The following TMEM74 variants were observed in gnomAD, a reference collection of about 807,000 sequenced individuals.
TMEM74 encodes transmembrane protein 74.
Under a neutral mutation model 18.1 loss-of-function variants are expected in TMEM74, and 13 were observed. That is an observed-to-expected ratio of 0.72 (90% CI 0.47 to 1.14). The LOEUF is 1.14. Among genes scored for constraint, TMEM74 ranks in the 50% most tolerant of loss-of-function variants. The probability of loss-of-function intolerance (pLI) is 0.00; values close to 1 mark genes in which losing one functional copy is unlikely to be tolerated. For missense variants in TMEM74, 372 were observed against 375.9 expected (o/e 0.99, Z 0.09); for synonymous variants, 159 against 146.6 (o/e 1.08, Z -0.61).
rs962883233 is a variant in TMEM74 at position 108,702,427 on chromosome 8, GA to G, written n.120-46991del. 3.4e-4 allele frequency among the ~76,000 whole-genome samples: 51 copies of G among 148,620 alleles called. No homozygotes were observed. The South Asian group carries it at 3.9e-3, about 11-fold the overall frequency. On this transcript the variant is annotated intron_variant and non_coding_transcript_variant, in intron 1 of 3. Coordinates refer to the TMEM74 transcript ENST00000518838. Reference sequence around the variant, plus strand: ...AGCTGATCTTGACAAAGGAGGAAAGGAAAAAAAAATGCAGCAGCAAAGGTAG... The same window carrying G: ...AGCTGATCTTGACAAAGGAGGAAAGGAAAAAAAATGCAGCAGCAAAGGTAG...
chr8:108,763,258 G>A (rs984970999), intron 1 of TMEM74, among the ~76,000 whole-genome samples: 1 of 151,580 alleles, frequency 6.6e-6, no homozygotes, highest in Non-Finnish European at 1.5e-5. Context: ...AGTAGATGTT[G>A]TGAGTCAGAC....
chr8:108,660,917 A>G (rs527481095), intron 1 of TMEM74, among the ~76,000 whole-genome samples: 92 of 152,274 alleles, frequency 6.0e-4, no homozygotes, highest in African/African-American at 2.1e-3. Flanking sequence ...TATAACATGG[A>G]AAATTATCTG....
intron 1 of TMEM74, among the ~76,000 whole-genome samples, chr8:108,763,711 T>C (rs927019718): frequency 3.3e-5 from 5 of 152,192 alleles, no homozygotes; most frequent in African/African-American, 1.2e-4. Context: ...ATTTTACTGG[T>C]ATTCTTATTT....
At chr8:108,657,889 T>A (rs1563742353) in intron 1 of TMEM74, among the ~76,000 whole-genome samples, 6 of 109,580 alleles carry the variant, frequency 5.5e-5, no homozygotes, top group African/African-American at 1.1e-4. Context: ...TATATATATA[T>A]ATATATATAT....
Position 108,760,226 on chromosome 8 carries a change from G to T in TMEM74, n.119+27250C>A, listed in dbSNP as rs187480153. ...AGAGACTTCCACTATGACATTCAGA[G>T]CACTTTGACAAACAGACCATATAAT... On this transcript the variant is annotated intron_variant and non_coding_transcript_variant, in intron 1 of 3. Coordinates refer to the TMEM74 transcript ENST00000518838. Among the ~76,000 whole-genome samples, 3 of 151,982 alleles carry T rather than the reference G, an allele frequency of 2.0e-5. No homozygotes were observed. In the East Asian group the frequency reaches 5.8e-4, roughly 30 times the overall value.
intron 1 of TMEM74, among the ~76,000 whole-genome samples, chr8:108,718,994 G>GTA (rs1250761742): frequency 4.8e-4 from 73 of 151,064 alleles, no homozygotes; most frequent in African/African-American, 1.6e-3. Context: ...GTATATATAC[G>GTA]TATATATACA....
intron 1 of TMEM74, among the ~76,000 whole-genome samples, chr8:108,669,566 T>G (rs937956076): frequency 1.3e-5 from 2 of 152,204 alleles, no homozygotes; most frequent in Non-Finnish European, 2.9e-5. Context: ...AGATTCTGAT[T>G]AGAACAATAA....
intron 1 of TMEM74, among the ~76,000 whole-genome samples, chr8:108,677,440 A>G (rs1385056094): frequency 5.9e-5 from 9 of 152,208 alleles, no homozygotes; most frequent in Admixed American, 6.5e-5. Flanking sequence ...AGTATGTTAG[A>G]GTAAAATATT....
chr8:108,701,800 T>C (rs778987295), intron 1 of TMEM74, among the ~76,000 whole-genome samples: 10 of 152,196 alleles, frequency 6.6e-5, no homozygotes, highest in South Asian at 2.1e-4. Flanking sequence ...ATTGTCAAGA[T>C]GTCAAGATTG....
At chr8:108,753,087 TC>T (rs1391225457) in intron 1 of TMEM74, among the ~76,000 whole-genome samples, 3 of 152,104 alleles carry the variant, frequency 2.0e-5, no homozygotes, top group African/African-American at 7.2e-5. Context: ...TCTGAAACAA[TC>T]TTTTGAACAT....
At chr8:108,765,293 T>G (rs1380641321) in intron 1 of TMEM74, among the ~76,000 whole-genome samples, 1 of 152,118 alleles carries the variant, frequency 6.6e-6, no homozygotes, top group East Asian at 1.9e-4. Flanking sequence ...GATACTGGAA[T>G]TTTTAGTCAA....
intron 1 of TMEM74, among the ~76,000 whole-genome samples, chr8:108,670,691 A>G (rs1812996344): frequency 6.6e-6 from 1 of 152,208 alleles, no homozygotes; most frequent in Non-Finnish European, 1.5e-5. Flanking sequence ...CAGGATACAG[A>G]AAAACATGAA....
intron 1 of TMEM74, among the ~76,000 whole-genome samples, chr8:108,687,940 G>T (rs956245494): frequency 6.6e-6 from 1 of 151,990 alleles, no homozygotes; most frequent in Non-Finnish European, 1.5e-5. Context: ...CTACTCTAGG[G>T]GTTTCTATGG....
intron 1 of TMEM74, among the ~76,000 whole-genome samples, chr8:108,680,271 A>G (rs1232964783): frequency 2.0e-5 from 3 of 152,224 alleles, no homozygotes; most frequent in African/African-American, 7.2e-5. Flanking sequence ...TCCTCAATAA[A>G]ATACTGGCAA....
intron 1 of TMEM74, among the ~76,000 whole-genome samples, chr8:108,701,879 G>A (rs1022565482): frequency 1.3e-5 from 2 of 151,998 alleles, no homozygotes; most frequent in Non-Finnish European, 2.9e-5. Flanking sequence ...CCCAAGAAGC[G>A]ATTTTGTGGA....
At chr8:108,663,674 G>C (rs575859907) in intron 1 of TMEM74, among the ~76,000 whole-genome samples, 15 of 152,206 alleles carry the variant, frequency 9.9e-5, no homozygotes, top group Admixed American at 7.2e-4. Context: ...GTTCATTGCA[G>C]CACTATTCAC....
At chr8:108,645,737 G>A (rs181841194) in intron 2 of TMEM74, among the ~76,000 whole-genome samples, 1 of 152,092 alleles carries the variant, frequency 6.6e-6, no homozygotes, top group Non-Finnish European at 1.5e-5. Flanking sequence ...AGACTTACAG[G>A]AGCCACACAA....
intron 1 of TMEM74, among the ~76,000 whole-genome samples, chr8:108,691,591 A>C (rs979048721): frequency 6.6e-6 from 1 of 152,228 alleles, no homozygotes; most frequent in African/African-American, 2.4e-5. Context: ...TGAAAGAATG[A>C]AGTCTACTGA....
At chr8:108,630,052 T>C (rs894281034) in intron 2 of TMEM74, among the ~76,000 whole-genome samples, 3 of 151,818 alleles carry the variant, frequency 2.0e-5, no homozygotes, top group Non-Finnish European at 4.4e-5. Context: ...ATTGGATAAA[T>C]AATCAAGACC....
Sources: allele counts gnomAD v4.1 joint callset (sites outside exome capture counted in the v4.1 genomes callset), GRCh38; gene constraint gnomAD v4.1.1; transcripts MANE v1.5; gene names NCBI Gene and HGNC (gene_info 2026-07-23, HGNC 2026-07-21).